The following FNTB variants were observed in gnomAD, a reference collection of about 807,000 sequenced individuals.
FNTB encodes the protein farnesyltransferase, CAAX box, subunit beta.
FNTB carries 27 observed loss-of-function variants against 59.4 expected under a neutral mutation model. The observed-to-expected ratio is 0.45, with a 90% CI of 0.34 to 0.63. The LOEUF (loss-of-function observed/expected upper bound fraction) is 0.63. Among genes scored for constraint, FNTB ranks in the 20% least tolerant of loss-of-function variants. The pLI, the probability that FNTB is intolerant of heterozygous loss-of-function variation, is 0.02. For missense variants in FNTB, 449 were observed against 559.6 expected, an observed-to-expected ratio of 0.80 and a Z score of 1.99; for synonymous variants, 230 against 220.7, an observed-to-expected ratio of 1.04 and a Z score of -0.37.
rs77865059 is a variant in FNTB, at chr14:65,012,950, G to A, written c.282+561G>A. Among the ~76,000 whole-genome samples the A allele has an allele frequency of 9.2e-3, 1,399 of 152,268 alleles. 21 individuals carry two copies. The highest frequency in any genetic ancestry group is 0.031 in the African/African-American group (1,297 of 41,554). On this transcript the variant is annotated intron_variant, in intron 3 of 11. Coordinates refer to ENST00000246166, the MANE Select transcript of FNTB (RefSeq NM_002028.4). This position sits in a 1 kb window ranked among gnomAD's most constrained non-coding sequence, Gnocchi z 5.0. The stretch of plus-strand genomic sequence containing the variant: ...GTGGTCCTTGCAATTTAACATTACT[G>A]TTTAAGAGTAGATCTTTAATATTTC...
rs947247806 is a variant in FNTB, at chr14:65,047,187, G to A, written c.955+2744G>A. 6.6e-6 allele frequency among the ~76,000 whole-genome samples: 1 copy of A among 152,218 alleles called. No homozygotes were observed. Among genetic ancestry groups the A allele is most frequent in the African/African-American group, 2.4e-5 (1 of 41,462 alleles). The stretch of plus-strand genomic sequence containing the variant: ...CTTCCCAAGCCCTCACTGTATGCCA[G>A]GGGCTGTACTGAGCATTTCACATAT... On this transcript the variant is annotated intron_variant, in intron 9 of 11. Coordinates refer to ENST00000246166, the MANE Select transcript of FNTB (RefSeq NM_002028.4). The surrounding 1 kb of genome is among the most constrained non-coding windows in gnomAD (Gnocchi z 5.2).
rs1056747173 is a variant in FNTB at position 65,014,901 on chromosome 14, T to G, written c.283-724T>G. Among the ~76,000 whole-genome samples the G allele has an allele frequency of 1.3e-5, 2 of 152,178 alleles. No individual in the cohort carries two copies. The highest frequency in any genetic ancestry group is 6.8e-3 in the Middle Eastern group (2 of 294). On this transcript the variant is annotated intron_variant, in intron 3 of 11. Transcript: ENST00000246166. The surrounding 1 kb of genome is among the most constrained non-coding windows in gnomAD (Gnocchi z 5.1). ...GGCACAAGTAGATACTATCAAATATTTGTTGAATCAGTGATTGAGTTAAGC... is the reference window on the plus strand; with the variant it reads ...GGCACAAGTAGATACTATCAAATATGTGTTGAATCAGTGATTGAGTTAAGC...
intron 4 of FNTB, among the ~76,000 whole-genome samples, chr14:65,026,053 T>C (rs770033840): frequency 6.6e-6 from 1 of 152,240 alleles, no homozygotes; most frequent in Non-Finnish European, 1.5e-5. Flanking sequence ...TATAAACTTG[T>C]GTCTTCTTGG....
chr14:65,032,536 C>A lies in FNTB; in HGVS notation c.606-74C>A. 6.5e-7 allele frequency: 1 copy of A among 1,549,280 alleles called. No homozygotes were observed. The highest frequency in any genetic ancestry group is 1.2e-5 in the South Asian group (1 of 84,680). On this transcript the variant is annotated intron_variant, in intron 6 of 11. Transcript: ENST00000246166. The surrounding 1 kb of genome is among the most constrained non-coding windows in gnomAD (Gnocchi z 5.0). ...CAGCTTACTAGGCAAGGCGAGCAGTCCGCCCGCGGAGTTCACTGAGCCTCA... is the reference window on the plus strand; with the variant it reads ...CAGCTTACTAGGCAAGGCGAGCAGTACGCCCGCGGAGTTCACTGAGCCTCA...
intron 7 of FNTB, among the ~76,000 whole-genome samples, chr14:65,036,289 T>A (rs1240894474): frequency 6.6e-6 from 1 of 152,102 alleles, no homozygotes; most frequent in Non-Finnish European, 1.5e-5. Flanking sequence ...CAGGCTGGAG[T>A]GCAGTGGCGT....
In FNTB at chr14:65,049,124, C is replaced by CT. The variant is rs1186425476; in HGVS notation, c.956-4113dup. Among the ~76,000 whole-genome samples, 7 of 95,172 alleles carry CT rather than the reference C, an allele frequency of 7.4e-5. No homozygotes were observed. The South Asian group carries it at 1.8e-3, about 25-fold the overall frequency. The allele number at this position is 95,172 out of a possible 152,430, so 62.4% of individuals were successfully genotyped here. ...CCTGGGTAACAGGGCAGGACTCCGT[C>CT]TAAAAAAAAAAAAAAAAGGCTTAAG... On this transcript the variant is annotated intron_variant, in intron 9 of 11. Transcript: ENST00000246166.
At chr14:64,989,575 C>T (rs555993662) in intron 1 of FNTB, among the ~76,000 whole-genome samples, 1 of 151,912 alleles carries the variant, frequency 6.6e-6, no homozygotes, top group East Asian at 1.9e-4. Context: ...TACCTGCTTC[C>T]TATCTGATTA....
chr14:65,056,008 C>G (rs980785503), intron 11 of FNTB, among the ~76,000 whole-genome samples: 1 of 152,186 alleles, frequency 6.6e-6, no homozygotes, highest in African/African-American at 2.4e-5. Flanking sequence ...CCTCCTTCTC[C>G]AGAGGTAACC....
At chr14:65,043,484 C>T (rs2062397192) in intron 8 of FNTB, among the ~76,000 whole-genome samples, 2 of 152,162 alleles carry the variant, frequency 1.3e-5, no homozygotes, top group Non-Finnish European at 2.9e-5. Context: ...TAAATTTCCC[C>T]AGGTGCCAAG....
At chr14:65,024,052 A>AGATCG (rs886297467) in intron 4 of FNTB, among the ~76,000 whole-genome samples, 6 of 151,468 alleles carry the variant, frequency 4.0e-5, no homozygotes, top group Middle Eastern at 3.4e-3. Context: ...CAGTGAGCTG[A>AGATCG]GATCGCTCAA....
In FNTB at chr14:65,027,704, G is replaced by A. The variant is rs1341080388; in HGVS notation, c.528G>A (p.Lys176=). 3 of 1,614,194 alleles carry A rather than the reference G, an allele frequency of 1.9e-6. No homozygotes were observed. Among genetic ancestry groups the A allele is most frequent in the Admixed American group, 3.3e-5 (2 of 60,030 alleles). Residue 176 remains lysine (K), a synonymous_variant, in exon 6 of 12, where the codon AAG becomes AAA. Transcript: ENST00000246166. The surrounding 1 kb of genome is among the most constrained non-coding windows in gnomAD (Gnocchi z 5.7). ...CTCTTTCCCTGTTTCTCAGAGAGAA[G>A]CTTCTTCAGTATTTGTACTCCCTGA... is the stretch of plus-strand genomic sequence containing the variant. The part of the protein sequence containing the change: ...EEAYDIINRE[K]LLQYLYSLKQ...
chr14:65,005,454 TTTCTTTCTTTC>T (rs1279638922), intron 2 of FNTB, among the ~76,000 whole-genome samples: 13 of 56,446 alleles, frequency 2.3e-4, no homozygotes, highest in African/African-American at 8.1e-4. Context: ...CTTTCTTTTC[TTTCTTTCTTTC>T]TTTCTTTCTT....
intron 1 of FNTB, 131 bp downstream of exon 1, chr14:64,987,228 T>C: frequency 1.8e-6 from 2 of 1,124,124 alleles, no homozygotes; most frequent in Non-Finnish European, 2.5e-6. Context: ...GTGCCTTTCC[T>C]CTGGGAAGCT....
Position 65,034,013 on chromosome 14 carries a change from GATC to G in FNTB, c.692+1320_692+1322del, listed in dbSNP as rs557059929. On this transcript the variant is annotated intron_variant, in intron 7 of 11. Transcript: ENST00000246166. ...ACAGTGATACCAGATGATATGCTGAGATCATGTTTACTTTTTTGTATGAGTTTC... is the reference window on the plus strand; with the variant it reads ...ACAGTGATACCAGATGATATGCTGAGATGTTTACTTTTTTGTATGAGTTTC... Among the ~76,000 whole-genome samples, 6 of 152,288 alleles carry G rather than the reference GATC, an allele frequency of 3.9e-5. No individual in the cohort carries two copies. The South Asian group carries it at 1.2e-3, about 32-fold the overall frequency.
At chr14:65,053,625 T>TAAAAAAAAACA (rs201558638) in intron 10 of FNTB, among the ~76,000 whole-genome samples, 3 of 146,246 alleles carry the variant, frequency 2.1e-5, no homozygotes, top group African/African-American at 8.1e-5. Flanking sequence ...CTTCTTTTTT[T>TAAAAAAAAACA]TAAAAAAAAC....
intron 1 of FNTB, chr14:65,003,656 A>G (rs2061542712): frequency 6.6e-6 from 1 of 152,220 alleles, no homozygotes; most frequent in Admixed American, 6.5e-5. Context: ...AGTTATGGGG[A>G]GGTGAACAGG....
Position 65,044,875 on chromosome 14 carries a change from A to C in FNTB, c.955+432A>C. Reference sequence around the variant, plus strand: ...AGGCAACTGCGTAAAGGGGTAGAGAACCAGAACCCATGTGTAGGGGTGGGT... The same window carrying C: ...AGGCAACTGCGTAAAGGGGTAGAGACCCAGAACCCATGTGTAGGGGTGGGT... On this transcript the variant is annotated intron_variant, in intron 9 of 11. Coordinates refer to ENST00000246166, the MANE Select transcript of FNTB (RefSeq NM_002028.4). This position sits in a 1 kb window ranked among gnomAD's most constrained non-coding sequence, Gnocchi z 5.5. 1 of 148,366 alleles carries C rather than the reference A, an allele frequency of 6.7e-6. No homozygotes were observed. 9.2% of individuals were successfully genotyped at this position (148,366 alleles called of 1,614,324 possible).
At chr14:65,004,856 T>A (rs1470717266) in intron 2 of FNTB, among the ~76,000 whole-genome samples, 2 of 152,080 alleles carry the variant, frequency 1.3e-5, no homozygotes, top group African/African-American at 4.8e-5. Context: ...AGAGACAGGG[T>A]TTCACCGTGT....
intron 9 of FNTB, among the ~76,000 whole-genome samples, chr14:65,050,538 CTGAGA>C: frequency 6.6e-6 from 1 of 152,180 alleles, no homozygotes; most frequent in East Asian, 1.9e-4. Context: ...TTGCAGTGAG[CTGAGA>C]TCACACCACT....
Sources: allele counts gnomAD v4.1 joint callset (sites outside exome capture counted in the v4.1 genomes callset), GRCh38; gene constraint gnomAD v4.1.1; non-coding constraint Gnocchi (gnomAD v3.1); transcripts MANE v1.5; gene names NCBI Gene and HGNC (gene_info 2026-07-23, HGNC 2026-07-21).